Variants in SBF2 observed in about 807,000 individuals in gnomAD.
SBF2 encodes SET binding factor 2, also known as myotubularin-related protein 13.
In SBF2, 112 loss-of-function variants were observed where a neutral mutation model predicts 225.2. The observed-to-expected ratio is 0.50, with a 90% CI of 0.43 to 0.58. The LOEUF (loss-of-function observed/expected upper bound fraction) is 0.58, where lower values mean the gene tolerates loss of function less well. Among genes scored for constraint, SBF2 ranks in the 20% least tolerant of loss-of-function variants. SBF2 has a pLI of 0.00. For synonymous variants in SBF2, 763 were observed against 773.3 expected (o/e 0.99, Z 0.22); for missense variants, 1,996 against 2,206.2 (o/e 0.90, Z 1.91).
chr11:10,232,454 C>T (rs956050382), intron 1 of SBF2, among the ~76,000 whole-genome samples: 1 of 152,236 alleles, frequency 6.6e-6, no homozygotes, highest in African/African-American at 2.4e-5. Context: ...GGCTCCACCC[C>T]TCAGTACACA....
At chr11:9,859,231 C>A (rs1301473309) in intron 17 of SBF2, among the ~76,000 whole-genome samples, 2 of 152,142 alleles carry the variant, frequency 1.3e-5, no homozygotes, top group South Asian at 2.1e-4. Context: ...GAAAGTAAAT[C>A]AAAATAAATG....
intron 1 of SBF2, among the ~76,000 whole-genome samples, chr11:10,219,769 G>A (rs1383097515): frequency 6.6e-6 from 1 of 152,156 alleles, no homozygotes; most frequent in African/African-American, 2.4e-5. Flanking sequence ...TAGCAAGAGT[G>A]ACCTTTACTC....
At chr11:10,127,521 C>T (rs965045881) in intron 2 of SBF2, among the ~76,000 whole-genome samples, 1 of 152,050 alleles carries the variant, frequency 6.6e-6, no homozygotes, top group Non-Finnish European at 1.5e-5. Flanking sequence ...TTATCTTAAC[C>T]ATCTTCTAAG....
intron 16 of SBF2, chr11:9,929,270 AAAAAC>A (rs1166306047): frequency 1.1e-5 from 2 of 176,146 alleles, no homozygotes; most frequent in African/African-American, 4.9e-5. Context: ...AAAAAAAACA[AAAAAC>A]AAAAAAAAAA....
At chr11:9,809,057 T>A in intron 30 of SBF2, 55 bp from the exon 31 acceptor site, 1 of 1,332,802 alleles carries the variant, frequency 7.5e-7, no homozygotes, top group Non-Finnish European at 1.1e-6. Flanking sequence ...AGTGCAGAAG[T>A]CAGAGAGAGT....
intron 32 of SBF2, 168 bp downstream of exon 32, chr11:9,807,832 T>C (rs1853938081): frequency 4.4e-6 from 3 of 686,474 alleles, no homozygotes; most frequent in Admixed American, 4.9e-5. Flanking sequence ...TAATTTTTTT[T>C]CTTTTCCATT....
chr11:9,792,113 TTAAG>T (rs1852781842), intron 33 of SBF2, among the ~76,000 whole-genome samples: 1 of 152,180 alleles, frequency 6.6e-6, no homozygotes, highest in Non-Finnish European at 1.5e-5. Context: ...TTCATTGTGT[TTAAG>T]TTTTTCTGAT....
chr11:10,090,764 C>CAAAAAAAAAAAAAAAAA lies in SBF2; in HGVS notation c.142-47800_142-47784dup, dbSNP rs201577494. On this transcript the variant is annotated intron_variant, in intron 2 of 39. Transcript: ENST00000256190. ...TGGGAGTCAGAGCAAGATTCCATCT[C>CAAAAAAAAAAAAAAAAA]AAAAAAAAAAAAAAAAAAAAAGCTA... 4.3e-4 allele frequency among the ~76,000 whole-genome samples: 19 copies of CAAAAAAAAAAAAAAAAA among 44,402 alleles called. 2 individuals are homozygous for CAAAAAAAAAAAAAAAAA. Among genetic ancestry groups the CAAAAAAAAAAAAAAAAA allele is most frequent in the South Asian group, 8.2e-4 (1 of 1,222 alleles). 29.1% of individuals were successfully genotyped at this position (44,402 alleles called of 152,430 possible).
intron 2 of SBF2, among the ~76,000 whole-genome samples, chr11:10,167,639 T>C (rs1487498249): frequency 6.6e-6 from 1 of 151,044 alleles, no homozygotes; most frequent in Non-Finnish European, 1.5e-5. Flanking sequence ...ATATGAAAAA[T>C]GCTAAAAGCT....
chr11:10,294,531 T>A (rs773345391), upstream of SBF2, among the ~76,000 whole-genome samples: 2 of 152,142 alleles, frequency 1.3e-5, no homozygotes, highest in African/African-American at 2.4e-5. Flanking sequence ...AGTTGAGGGG[T>A]CACTTGGAAA....
intron 17 of SBF2, among the ~76,000 whole-genome samples, chr11:9,873,974 G>A (rs1027804540): frequency 1.4e-4 from 22 of 151,892 alleles, no homozygotes; most frequent in African/African-American, 5.1e-4. Flanking sequence ...GCTTGAACCC[G>A]TGGTCTCTCA....
At chr11:9,976,836 T>G (rs1032516727) in intron 13 of SBF2, among the ~76,000 whole-genome samples, 47 of 151,860 alleles carry the variant, frequency 3.1e-4, no homozygotes, top group African/African-American at 1.1e-3. Flanking sequence ...TGGCGTGATC[T>G]CGGCTCACTG....
At chr11:9,992,917 GA>G (rs1333936898) in intron 11 of SBF2, 72 bp downstream of exon 11, 28 of 1,124,802 alleles carry the variant, frequency 2.5e-5, no homozygotes, top group South Asian at 1.7e-4. Flanking sequence ...AAATGGCTCG[GA>G]AAAAAAACCA....
rs56742374 is a variant in SBF2 at position 10,113,798 on chromosome 11, T to TA, written c.142-70818dup. 3.1e-3 allele frequency among the ~76,000 whole-genome samples: 452 copies of TA among 143,954 alleles called. 1 individual carries two copies. The highest frequency in any genetic ancestry group is 4.3e-3 in the Non-Finnish European group (278 of 65,378). 94.4% of individuals were successfully genotyped at this position (143,954 alleles called of 152,430 possible). Reference sequence around the variant, plus strand: ...ACTGGTGTTTCTCTTACATGCAGTTTAAAAAAAAAAAAAAAACTAATGAGT... The same window carrying TA: ...ACTGGTGTTTCTCTTACATGCAGTTTAAAAAAAAAAAAAAAAACTAATGAGT... On this transcript the variant is annotated intron_variant, in intron 2 of 39. Transcript: ENST00000256190.
rs183704897 is a variant in SBF2, at chr11:10,301,409, T to C, written n.386+3083A>G. On this transcript the variant is annotated intron_variant and non_coding_transcript_variant, in intron 1 of 5. Transcript: ENST00000685217. Reference sequence around the variant, plus strand: ...TTACTTCTCCTTGTAAGTGATCAAATCCACAAGGCTGATTGTGTTCTTTCT... The same window carrying C: ...TTACTTCTCCTTGTAAGTGATCAAACCCACAAGGCTGATTGTGTTCTTTCT... Among the ~76,000 whole-genome samples, 790 of 152,330 alleles carry C rather than the reference T, an allele frequency of 5.2e-3. 3 individuals are homozygous for C. Among genetic ancestry groups the C allele is most frequent in the Non-Finnish European group, 7.1e-3 (480 of 68,032 alleles).
chr11:9,998,470 G>C (rs932488122), intron 8 of SBF2, 91 bp from the exon 9 acceptor site: 2 of 734,784 alleles, frequency 2.7e-6, no homozygotes, highest in African/African-American at 3.5e-5. Flanking sequence ...AAAACGAGAA[G>C]AATCAGATGT....
rs1957926538 is a variant in SBF2 at position 10,211,020 on chromosome 11, A to AAAAAAAAAAAAG, written c.56-17034_56-17033insCTTTTTTTTTTT. Among the ~76,000 whole-genome samples, 2 of 147,692 alleles carry AAAAAAAAAAAAG rather than the reference A, an allele frequency of 1.4e-5. 1 individual carries two copies. Among genetic ancestry groups the AAAAAAAAAAAAG allele is most frequent in the Non-Finnish European group, 3.0e-5 (2 of 66,672 alleles). On this transcript the variant is annotated intron_variant, in intron 1 of 39. Transcript: ENST00000256190. ...AAGAGCAAGACTCTTGACTCAAAAAAAAAAAAAAAAAAAAAGAGCCTCTTG... is the reference window on the plus strand; with the variant it reads ...AAGAGCAAGACTCTTGACTCAAAAAAAAAAAAAAAAAGAAAAAAAAAAAAAAAGAGCCTCTTG...
At position 9,856,712 on chromosome 11, in the gene SBF2, A is replaced by G. The variant is rs1857341131; in HGVS notation, c.2109T>C (p.Leu703=). 1 of 1,613,922 alleles carries G rather than the reference A, an allele frequency of 6.2e-7. No individual in the cohort carries two copies. The highest frequency in any genetic ancestry group is 2.2e-5 in the East Asian group (1 of 44,884). ...TCTTCTCCTGATAATGGTCATCAGG[A>G]AGCTTATCCTAAAAAATAAAGCAAC... ...HAPHLKQKDK[L]PDDHYQEKTA... is the part of the protein sequence containing the mutation. Residue 703 remains leucine (L), a synonymous_variant, in exon 19 of 40, where the codon CTT becomes CTC. Transcript: ENST00000256190.
At chr11:9,956,678 C>T (rs1866194009) in intron 16 of SBF2, 1 of 151,044 alleles carries the variant, frequency 6.6e-6, no homozygotes, top group Non-Finnish European at 1.5e-5. Context: ...GCATACTGTA[C>T]TTGGCGATTA....
Sources: gnomAD v4.1 joint callset for allele counts (sites outside exome capture counted in the v4.1 genomes callset) on GRCh38, gnomAD v4.1.1 for gene constraint, MANE v1.5 for transcripts, NCBI Gene and HGNC (gene_info 2026-07-23, HGNC 2026-07-21) for gene names.